INPP5B: variants seen among roughly 807,000 people sequenced by gnomAD.
The protein encoded by INPP5B is type II inositol 1,4,5-trisphosphate 5-phosphatase.
In INPP5B, 90 loss-of-function variants were observed where a neutral mutation model predicts 118.5. That is an observed-to-expected ratio of 0.76 (90% CI 0.64 to 0.90). The LOEUF is 0.90. Among genes scored for constraint, INPP5B ranks in the 40% least tolerant of loss-of-function variants. The pLI is 0.00. For missense variants in INPP5B, 984 were observed against 1,125.6 expected, an observed-to-expected ratio of 0.87 and a Z score of 1.80; for synonymous variants, 385 against 418.9, an observed-to-expected ratio of 0.92 and a Z score of 0.99.
chr1:37,862,932 G>A (rs1331804486), intron 23 of INPP5B, among the ~76,000 whole-genome samples: 1 of 152,178 alleles, frequency 6.6e-6, no homozygotes, highest in Non-Finnish European at 1.5e-5. Flanking sequence ...TGTGTCAGAG[G>A]TGGCTGAGGT....
In INPP5B at chr1:37,907,358, G is replaced by A. The variant is rs1051076485; in HGVS notation, c.533-15904C>T. 2.6e-5 allele frequency among the ~76,000 whole-genome samples: 4 copies of A among 152,152 alleles called. No individual in the cohort carries two copies. The South Asian group carries it at 6.2e-4, about 24-fold the overall frequency. On this transcript the variant is annotated intron_variant, in intron 7 of 23. Transcript: ENST00000373024. This position sits in a 1 kb window ranked among gnomAD's most constrained non-coding sequence, Gnocchi z 4.3. ...GCTCCTCTCTACCCTGAATACAAGA[G>A]ACCCTCATAGTTAGGCAGGAATATA...
chr1:37,896,187 C>T (rs1486887151), intron 7 of INPP5B, among the ~76,000 whole-genome samples: 4 of 149,904 alleles, frequency 2.7e-5, no homozygotes, highest in Non-Finnish European at 5.9e-5. Flanking sequence ...ATGTGAGGAG[C>T]GTCTCTGCCC....
chr1:37,905,072 T>C (rs781254181), intron 7 of INPP5B, among the ~76,000 whole-genome samples: 9 of 152,204 alleles, frequency 5.9e-5, no homozygotes, highest in Non-Finnish European at 1.3e-4. Flanking sequence ...AAATATGAAA[T>C]AGTGTTTGGC....
chr1:37,899,558 G>C (rs538885622), intron 7 of INPP5B, among the ~76,000 whole-genome samples: 60 of 152,090 alleles, frequency 3.9e-4, no homozygotes, highest in South Asian at 3.3e-3. Flanking sequence ...GCGAAACTCT[G>C]CCTCAAAATA....
At chr1:37,899,414 T>C (rs1332792082) in intron 7 of INPP5B, among the ~76,000 whole-genome samples, 1 of 150,940 alleles carries the variant, frequency 6.6e-6, no homozygotes, top group Non-Finnish European at 1.5e-5. Context: ...AAATACAAAA[T>C]AGCCAGCCGT....
At chr1:37,901,555 C>T (rs1455345936) in intron 7 of INPP5B, among the ~76,000 whole-genome samples, 2 of 152,168 alleles carry the variant, frequency 1.3e-5, no homozygotes, top group Non-Finnish European at 2.9e-5. Context: ...GGATTCAGTT[C>T]ACGGCCAGGG....
At chr1:37,893,085 C>CTT (rs71053999) in intron 7 of INPP5B, among the ~76,000 whole-genome samples, 2,504 of 80,824 alleles carry the variant, frequency 0.031, 53 homozygotes, top group African/African-American at 0.043. Context: ...TTTTCTTTTT[C>CTT]TTTTTTTTTT....
chr1:37,864,562 A>AT, intron 22 of INPP5B, 139 bp from the exon 23 acceptor site: 1 of 556,212 alleles, frequency 1.8e-6, no homozygotes, highest in Non-Finnish European at 3.3e-6. Flanking sequence ...ACCACTTGGC[A>AT]TAAGTATCAA....
chr1:37,868,563 T>G lies in INPP5B; in HGVS notation c.2239A>C (p.Met747Leu). 6.2e-7 allele frequency: 1 copy of G among 1,614,074 alleles called. No homozygotes were observed. Among genetic ancestry groups the G allele is most frequent in the African/African-American group, 1.3e-5 (1 of 75,044 alleles). The part of the protein sequence containing the change: ...GDDGSQLDSP[M>L]EIPKELWMMV... ...ATCCAGAGCTCTTTGGGGATTTCCATGGGGCTATCCAACTGGCTCCCATCA... is the reference window on the plus strand; with the variant it reads ...ATCCAGAGCTCTTTGGGGATTTCCAGGGGGCTATCCAACTGGCTCCCATCA... The change falls in exon 20 of 24, where the codon ATG becomes CTG. Residue 747 changes from methionine to leucine, a missense_variant. Transcript: ENST00000373024.
intron 7 of INPP5B, among the ~76,000 whole-genome samples, chr1:37,892,404 T>C (rs929013736): frequency 4.6e-5 from 7 of 152,126 alleles, no homozygotes; most frequent in African/African-American, 1.4e-4. Flanking sequence ...TTTGGGAAAG[T>C]CGTTAAACCA....
chr1:37,898,084 T>C (rs1644190665), intron 7 of INPP5B, among the ~76,000 whole-genome samples: 1 of 152,192 alleles, frequency 6.6e-6, no homozygotes, highest in African/African-American at 2.4e-5. Context: ...TAATAAAATA[T>C]TAAGCAATTA....
chr1:37,913,029 G>A (rs1644753169), intron 7 of INPP5B, among the ~76,000 whole-genome samples: 1 of 151,832 alleles, frequency 6.6e-6, no homozygotes, highest in East Asian at 1.9e-4. Flanking sequence ...ACACTGAGGT[G>A]GGCAGATCAC....
At chr1:37,874,827 C>T (rs955823396) in intron 17 of INPP5B, among the ~76,000 whole-genome samples, 4 of 152,156 alleles carry the variant, frequency 2.6e-5, no homozygotes, top group African/African-American at 4.8e-5. Context: ...AACGCCTTCA[C>T]CTTAAACCCC....
At chr1:37,918,466 C>T (rs564252126) in intron 7 of INPP5B, among the ~76,000 whole-genome samples, 35 of 152,302 alleles carry the variant, frequency 2.3e-4, no homozygotes, top group African/African-American at 7.9e-4. Context: ...ACCTCTCCTT[C>T]GAAGCCCAGC....
intron 22 of INPP5B, chr1:37,864,633 C>A: frequency 2.5e-6 from 1 of 400,634 alleles, no homozygotes; most frequent in Non-Finnish European, 4.5e-6. Context: ...CTACATGTTC[C>A]TATAAGACTG....
intron 7 of INPP5B, among the ~76,000 whole-genome samples, chr1:37,925,535 G>T (rs559602447): frequency 6.6e-6 from 1 of 152,168 alleles, no homozygotes; most frequent in Non-Finnish European, 1.5e-5. Flanking sequence ...ACTGTGCCGG[G>T]CTAACAGTAT....
intron 20 of INPP5B, 61 bp from the exon 21 acceptor site, chr1:37,866,604 T>A: frequency 3.9e-6 from 4 of 1,021,398 alleles, no homozygotes; most frequent in Non-Finnish European, 6.1e-6. Context: ...AATGATTTCC[T>A]GACCTGGCAA....
chr1:37,885,934 C>T, intron 12 of INPP5B, 109 bp from the exon 13 acceptor site: 1 of 938,718 alleles, frequency 1.1e-6, no homozygotes, highest in Non-Finnish European at 1.7e-6. Flanking sequence ...AATCCCAGCA[C>T]TTTGGGAGTC....
chr1:37,924,415 C>T (rs538817402), intron 7 of INPP5B, among the ~76,000 whole-genome samples: 158 of 150,014 alleles, frequency 1.1e-3, no homozygotes, highest in Non-Finnish European at 2.0e-3. Context: ...GTGACCCGCC[C>T]ACCTCAGCCT....
Sources: allele counts gnomAD v4.1 joint callset (sites outside exome capture counted in the v4.1 genomes callset), GRCh38; gene constraint gnomAD v4.1.1; non-coding constraint Gnocchi (gnomAD v3.1); transcripts MANE v1.5; gene names NCBI Gene and HGNC (gene_info 2026-07-23, HGNC 2026-07-21).